The following DNAH12 variants were observed in gnomAD, a reference collection of about 807,000 sequenced individuals.
The protein encoded by DNAH12 is axonemal beta dynein heavy chain 12.
A neutral mutation model predicts 371.5 loss-of-function variants in DNAH12; 285 were observed. That is an observed-to-expected ratio of 0.77 (90% CI 0.70 to 0.85). DNAH12 has a LOEUF of 0.85. Ranked by LOEUF, DNAH12 falls within the 40% of genes least tolerant of loss-of-function variation. The pLI is 0.00. For missense variants in DNAH12, 3,611 were observed against 3,689.4 expected, an observed-to-expected ratio of 0.98 and a Z score of 0.55; for synonymous variants, 1,200 against 1,213.0, an observed-to-expected ratio of 0.99 and a Z score of 0.22.
intron 25 of DNAH12, among the ~76,000 whole-genome samples, chr3:57,450,535 C>T (rs745350708): frequency 1.3e-5 from 2 of 152,292 alleles, no homozygotes; most frequent in African/African-American, 4.8e-5. Flanking sequence ...GCAACAAGAG[C>T]GAAACTCCAT....
chr3:57,467,075 T>C (rs1264329187), intron 17 of DNAH12, among the ~76,000 whole-genome samples: 2 of 152,064 alleles, frequency 1.3e-5, no homozygotes, highest in Admixed American at 1.3e-4. Flanking sequence ...TTCCAAACCT[T>C]TCTATTTCTC....
At chr3:57,317,500 T>G (rs999558479) in intron 65 of DNAH12, among the ~76,000 whole-genome samples, 7 of 152,166 alleles carry the variant, frequency 4.6e-5, no homozygotes, top group African/African-American at 1.4e-4. Context: ...TTAGTTCACT[T>G]AGGATAATGT....
chr3:57,340,646 G>A (rs760860851), intron 60 of DNAH12, among the ~76,000 whole-genome samples: 6 of 152,150 alleles, frequency 3.9e-5, no homozygotes, highest in Non-Finnish European at 7.4e-5. Context: ...TAATGAGATT[G>A]AATCACAGTA....
Position 57,503,394 on chromosome 3 carries a change from G to GTT in DNAH12, c.1086+620_1086+621dup, listed in dbSNP as rs1256442215. 7.3e-3 allele frequency among the ~76,000 whole-genome samples: 1,048 copies of GTT among 144,354 alleles called. 8 individuals carry two copies. Among genetic ancestry groups the GTT allele is most frequent in the African/African-American group, 0.023 (919 of 39,412 alleles). The allele number at this position is 144,354 out of a possible 152,430, so 94.7% of individuals were successfully genotyped here. A position where few individuals can be genotyped will look rare whatever the true frequency, so the allele number is the denominator to read the frequency against. ...ATATTTATTTATTTATTTATTATTG[G>GTT]TTTTTTTTTTTTTGAGACGGAGTCT... On this transcript the variant is annotated intron_variant, in intron 9 of 73. Transcript: ENST00000495027.
Position 57,507,629 on chromosome 3 carries a change from T to C in DNAH12, c.897+14A>G. On this transcript the variant is annotated intron_variant, in intron 8 of 73. Transcript: ENST00000495027. ...TAATAACATTATCATTTAATATATATAAAGTGTATGTACCTGATTTGACAT... is the reference window on the plus strand; with the variant it reads ...TAATAACATTATCATTTAATATATACAAAGTGTATGTACCTGATTTGACAT... 6.4e-7 allele frequency: 1 copy of C among 1,556,600 alleles called. No individual in the cohort carries two copies. The highest frequency in any genetic ancestry group is 2.3e-5 in the East Asian group (1 of 42,878).
rs1429277938 is a variant in DNAH12, at chr3:57,334,519, C to A, written c.9924G>T (p.Lys3308Asn). Residue 3308 changes from lysine (K) to asparagine (N), a missense_variant, in exon 62 of 74, where the codon AAG becomes AAT. Coordinates refer to ENST00000495027, the MANE Select transcript of DNAH12 (RefSeq NM_001366028.2). ...HNAKFPAPMD[K>N]NLNELQKIII... ...TTATTTTCTGTAGTTCATTTAGGTT[C>A]TTATCCATTGGTGCTGGAAATTTAG... 2.6e-6 allele frequency: 4 copies of A among 1,551,000 alleles called. No individual in the cohort carries two copies. In the South Asian group the frequency reaches 4.8e-5, roughly 18 times the overall value.
At chr3:57,515,262 C>T (rs1468270273) in intron 4 of DNAH12, among the ~76,000 whole-genome samples, 1 of 152,052 alleles carries the variant, frequency 6.6e-6, no homozygotes, top group South Asian at 2.1e-4. Flanking sequence ...CTAAAAGGAG[C>T]CAAAAATCCC....
At chr3:57,552,828 T>C in the DNAH12 span, among the ~76,000 whole-genome samples, 1 of 152,044 alleles carries the variant, frequency 6.6e-6, no homozygotes, top group Non-Finnish European at 1.5e-5. Context: ...TCCAGTGAAC[T>C]ATTATGTTGC....
rs192623662 is a variant in DNAH12 at position 57,295,271 on chromosome 3, G to T, written c.11692+254C>A. Among the ~76,000 whole-genome samples the T allele has an allele frequency of 3.0e-4, 45 of 152,242 alleles. No homozygotes were observed. In the East Asian group the frequency reaches 6.4e-3, roughly 22 times the overall value. On this transcript the variant is annotated intron_variant, in intron 73 of 73. Coordinates refer to ENST00000495027, the MANE Select transcript of DNAH12 (RefSeq NM_001366028.2). ...AATCTGTGAACCCCCTTGTAGAAGT[G>T]GGGGGAGGGGCTGAAAAGAATGACA... is the stretch of plus-strand genomic sequence containing the variant.
intron 8 of DNAH12, 53 bp downstream of exon 8, chr3:57,507,589 AT>A: frequency 7.8e-7 from 1 of 1,276,176 alleles, no homozygotes; most frequent in Non-Finnish European, 1.0e-6. Flanking sequence ...TCTATTTAAA[AT>A]ATTGAACTAA....
In DNAH12 at chr3:57,542,164, G is replaced by A. The variant is rs796341441; in HGVS notation, c.170+537C>T. 5.7e-5 allele frequency among the ~76,000 whole-genome samples: 7 copies of A among 123,248 alleles called. 1 individual carries two copies. The highest frequency in any genetic ancestry group is 4.7e-4 in the Admixed American group (6 of 12,752). 80.9% of individuals were successfully genotyped at this position (123,248 alleles called of 152,430 possible). A position where few individuals can be genotyped will look rare whatever the true frequency, so the allele number is the denominator to read the frequency against. ...TTAATTTCCACTAAACTGGGGGGGGGGGGGGCGGTGAGTAGGATGTTGAAC... is the reference window on the plus strand; with the variant it reads ...TTAATTTCCACTAAACTGGGGGGGGAGGGGGCGGTGAGTAGGATGTTGAAC... On this transcript the variant is annotated intron_variant, in intron 2 of 73. Transcript: ENST00000495027.
intron 45 of DNAH12, among the ~76,000 whole-genome samples, chr3:57,390,925 C>T (rs943535347): frequency 2.6e-5 from 4 of 152,120 alleles, no homozygotes; most frequent in African/African-American, 4.8e-5. Context: ...GAATACCTTG[C>T]CAATGTCTTT....
chr3:57,302,559 A>ATTTTTTTTTTTTTTTTTT (rs1436244232), intron 69 of DNAH12, among the ~76,000 whole-genome samples: 1 of 61,372 alleles, frequency 1.6e-5, no homozygotes, highest in Non-Finnish European at 3.1e-5. Flanking sequence ...ATATATATAT[A>ATTTTTTTTTTTTTTTTTT]TATATGTATT....
intron 59 of DNAH12, among the ~76,000 whole-genome samples, chr3:57,355,256 G>A (rs2062772427): frequency 6.6e-6 from 1 of 152,010 alleles, no homozygotes; most frequent in South Asian, 2.1e-4. Context: ...AAGGGATGGT[G>A]GTATTGACAC....
intron 22 of DNAH12, among the ~76,000 whole-genome samples, chr3:57,456,637 G>A (rs17799374): frequency 0.024 from 3,655 of 152,218 alleles, 66 homozygotes; most frequent in Non-Finnish European, 0.034. Context: ...TTTACCACTC[G>A]TGTCTGAAGA....
At chr3:57,535,805 G>A (rs2069017290) in intron 2 of DNAH12, among the ~76,000 whole-genome samples, 1 of 150,170 alleles carries the variant, frequency 6.7e-6, no homozygotes, top group East Asian at 1.9e-4. Flanking sequence ...GCCTCCCAAA[G>A]TGCTGGGATT....
chr3:57,445,910 C>T (rs1442524332), intron 27 of DNAH12, 121 bp downstream of exon 27: 1 of 907,002 alleles, frequency 1.1e-6, no homozygotes, highest in East Asian at 3.4e-5. Flanking sequence ...ATCGCTTGAA[C>T]CCGGGAGGTG....
intron 34 of DNAH12, among the ~76,000 whole-genome samples, chr3:57,427,554 G>A (rs1347281694): frequency 2.0e-5 from 3 of 152,098 alleles, no homozygotes; most frequent in Non-Finnish European, 4.4e-5. Context: ...GCTGGGTGTG[G>A]TGGCATGTGC....
chr3:57,462,040 T>C (rs2066068375), intron 18 of DNAH12, among the ~76,000 whole-genome samples: 1 of 152,146 alleles, frequency 6.6e-6, no homozygotes, highest in Non-Finnish European at 1.5e-5. Context: ...AACCCATTCT[T>C]TAGGGCCATA....
Sources: gnomAD v4.1 joint callset for allele counts (sites outside exome capture counted in the v4.1 genomes callset) on GRCh38, gnomAD v4.1.1 for gene constraint, MANE v1.5 for transcripts, NCBI Gene and HGNC (gene_info 2026-07-23, HGNC 2026-07-21) for gene names.